PDSS2: variants seen among roughly 807,000 people sequenced by gnomAD.
The protein encoded by PDSS2 is decaprenyl diphosphate synthase subunit 2.
PDSS2 carries 31 observed loss-of-function variants against 44.5 expected under a neutral mutation model. The observed-to-expected ratio is 0.70, with a 90% CI of 0.52 to 0.94. The LOEUF (loss-of-function observed/expected upper bound fraction) is 0.94, where lower values mean the gene tolerates loss of function less well. Among genes scored for constraint, PDSS2 ranks in the 40% least tolerant of loss-of-function variants. The probability of loss-of-function intolerance (pLI) is 0.00; values close to 1 mark genes in which losing one functional copy is unlikely to be tolerated. For synonymous variants in PDSS2, 157 were observed against 180.3 expected (o/e 0.87, Z 1.03); for missense variants, 452 against 482.2 (o/e 0.94, Z 0.59).
chr6:107,375,525 G>A (rs890354478), intron 1 of PDSS2, among the ~76,000 whole-genome samples: 7 of 152,208 alleles, frequency 4.6e-5, no homozygotes, highest in Non-Finnish European at 1.0e-4. Flanking sequence ...GAAAGTTCAT[G>A]TAAGAAGAAG....
At chr6:107,188,148 G>C (rs527326177) in intron 7 of PDSS2, among the ~76,000 whole-genome samples, 3 of 152,020 alleles carry the variant, frequency 2.0e-5, no homozygotes, top group Non-Finnish European at 4.4e-5. Flanking sequence ...AGGCTGAGGC[G>C]GGCAGATCGC....
At chr6:107,166,072 C>T (rs1226687010) in intron 7 of PDSS2, among the ~76,000 whole-genome samples, 22 of 152,068 alleles carry the variant, frequency 1.4e-4, no homozygotes, top group South Asian at 1.0e-3. Context: ...TGGGCTGAGA[C>T]GATGGGGTTT....
intron 1 of PDSS2, among the ~76,000 whole-genome samples, chr6:107,410,743 C>T (rs1185533801): frequency 1.3e-5 from 2 of 152,142 alleles, no homozygotes; most frequent in African/African-American, 4.8e-5. Context: ...CCGCCTCAGC[C>T]TCCCAAAGTG....
rs201140107 is a variant in PDSS2, at chr6:107,429,101, T to C, written c.296+29889A>G. Among the ~76,000 whole-genome samples the C allele has an allele frequency of 3.3e-5, 5 of 152,112 alleles. No individual in the cohort carries two copies. The East Asian group carries it at 5.8e-4, about 18-fold the overall frequency. ...TGATTTTCTGAGAAGACAGAAACTT[T>C]GAGGAATGAACATTTAACCTAGAGA... On this transcript the variant is annotated intron_variant, in intron 1 of 7. Transcript: ENST00000369037.
chr6:107,377,099 G>GCAAC (rs1779308571), intron 1 of PDSS2, among the ~76,000 whole-genome samples: 1 of 145,820 alleles, frequency 6.9e-6, no homozygotes, highest in East Asian at 2.2e-4. Flanking sequence ...GAGTGAACAG[G>GCAAC]CAACCTACAA....
chr6:107,384,514 G>A (rs1440565356), intron 1 of PDSS2, among the ~76,000 whole-genome samples: 2 of 151,926 alleles, frequency 1.3e-5, no homozygotes, highest in Non-Finnish European at 2.9e-5. Context: ...GGTGGCGGGC[G>A]CCTGTAATCT....
intron 7 of PDSS2, among the ~76,000 whole-genome samples, chr6:107,170,059 A>C (rs1771506999): frequency 6.6e-6 from 1 of 152,178 alleles, no homozygotes; most frequent in African/African-American, 2.4e-5. Context: ...TTGTTTGGCT[A>C]TGCCCTGCCG....
chr6:107,220,755 A>T (rs1046039880), intron 4 of PDSS2, among the ~76,000 whole-genome samples: 3 of 152,194 alleles, frequency 2.0e-5, no homozygotes, highest in African/African-American at 7.2e-5. Context: ...GAAATCTACT[A>T]CCATAAGTTA....
At chr6:107,271,955 T>C (rs1287835831) in intron 3 of PDSS2, among the ~76,000 whole-genome samples, 1 of 151,868 alleles carries the variant, frequency 6.6e-6, no homozygotes. Context: ...TCCCAGCTAC[T>C]TGGGACACTG....
intron 7 of PDSS2, among the ~76,000 whole-genome samples, chr6:107,155,231 C>T (rs1298507386): frequency 1.3e-5 from 2 of 151,474 alleles, no homozygotes; most frequent in South Asian, 2.1e-4. Context: ...CTGCAACCTC[C>T]GCCTCCTGGG....
At chr6:107,427,372 T>C (rs192021794) in intron 1 of PDSS2, among the ~76,000 whole-genome samples, 2 of 152,350 alleles carry the variant, frequency 1.3e-5, no homozygotes, top group East Asian at 3.9e-4. Flanking sequence ...ACATCTTTTT[T>C]TCTTCCCAGT....
intron 1 of PDSS2, among the ~76,000 whole-genome samples, chr6:107,430,619 G>C (rs1781165009): frequency 6.6e-6 from 1 of 152,116 alleles, no homozygotes; most frequent in South Asian, 2.1e-4. Flanking sequence ...AGACCAGCCT[G>C]GCCACATGGT....
intron 3 of PDSS2, among the ~76,000 whole-genome samples, chr6:107,248,774 T>C: frequency 6.6e-6 from 1 of 152,214 alleles, no homozygotes; most frequent in African/African-American, 2.4e-5. Flanking sequence ...ACTTGAAAAC[T>C]CCTTTTCTGC....
At chr6:107,347,857 A>T (rs1778302579) in intron 1 of PDSS2, among the ~76,000 whole-genome samples, 1 of 152,176 alleles carries the variant, frequency 6.6e-6, no homozygotes, top group Admixed American at 6.5e-5. Flanking sequence ...TAAAACAATT[A>T]ATTTTTAAAA....
chr6:107,441,145 T>C (rs1781498461), intron 1 of PDSS2, among the ~76,000 whole-genome samples: 2 of 152,176 alleles, frequency 1.3e-5, no homozygotes, highest in Admixed American at 1.3e-4. Context: ...CACTCAAAAA[T>C]GGCTTCTAGA....
At chr6:107,168,341 C>T (rs533008368) in intron 7 of PDSS2, among the ~76,000 whole-genome samples, 19 of 152,288 alleles carry the variant, frequency 1.2e-4, no homozygotes, top group Admixed American at 5.9e-4. Context: ...AGATCTTCCT[C>T]CATCCCTTTA....
intron 1 of PDSS2, among the ~76,000 whole-genome samples, chr6:107,409,985 A>G (rs370729754): frequency 1.3e-5 from 2 of 152,288 alleles, no homozygotes; most frequent in East Asian, 3.9e-4. Flanking sequence ...AACTAGGCAA[A>G]GTCTCCAGGC....
chr6:107,429,901 A>AATATATATATATATATAT (rs869061691), intron 1 of PDSS2, among the ~76,000 whole-genome samples: 6 of 31,822 alleles, frequency 1.9e-4, no homozygotes, highest in African/African-American at 2.5e-4. Flanking sequence ...AAAAAAAAAA[A>AATATATATATATATATAT]ATATATATAT....
chr6:107,163,694 C>T (rs1771231295), intron 7 of PDSS2, among the ~76,000 whole-genome samples: 1 of 151,916 alleles, frequency 6.6e-6, no homozygotes, highest in Admixed American at 6.6e-5. Context: ...CCTCTGTCTC[C>T]CGGGTTCCAG....
Sources: gnomAD v4.1 joint callset for allele counts (sites outside exome capture counted in the v4.1 genomes callset) on GRCh38, gnomAD v4.1.1 for gene constraint, MANE v1.5 for transcripts, NCBI Gene and HGNC (gene_info 2026-07-23, HGNC 2026-07-21) for gene names.